SCYL2: variants seen among roughly 807,000 people sequenced by gnomAD.
SCYL2 encodes the protein SCY1-like protein 2.
Under a neutral mutation model 100.4 loss-of-function variants are expected in SCYL2, and 36 were observed. The observed-to-expected ratio is 0.36, with a 90% CI of 0.27 to 0.47. SCYL2 has a LOEUF of 0.47. SCYL2 is among the 20% of genes least tolerant of loss of function. The pLI, the probability that SCYL2 is intolerant of heterozygous loss-of-function variation, is 1.00. For missense variants in SCYL2, 902 were observed against 1,083.9 expected, an observed-to-expected ratio of 0.83 and a Z score of 2.36; for synonymous variants, 330 against 359.2, an observed-to-expected ratio of 0.92 and a Z score of 0.92.
At chr12:100,327,262 A>G (rs1952142311) in intron 12 of SCYL2, 1 of 312,518 alleles carries the variant, frequency 3.2e-6, no homozygotes, top group South Asian at 2.7e-5. Flanking sequence ...GTTTTCTAAT[A>G]TGTTTAAGTC....
intron 2 of SCYL2, among the ~76,000 whole-genome samples, chr12:100,285,631 T>C (rs1219121593): frequency 2.0e-5 from 3 of 152,202 alleles, no homozygotes; most frequent in Non-Finnish European, 4.4e-5. Context: ...AGTGAAATAT[T>C]CCCTGCTCCC....
chr12:100,304,965 A>G lies in SCYL2; in HGVS notation c.481-6079A>G, dbSNP rs564715450. ...ACAAGAAGAGCTAACTATCCTAAAT[A>G]TATATGCATCCAATACAGGAGCACC... On this transcript the variant is annotated intron_variant, in intron 4 of 17. Coordinates refer to ENST00000360820, the MANE Select transcript of SCYL2 (RefSeq NM_017988.6). Among the ~76,000 whole-genome samples the G allele has an allele frequency of 3.9e-5, 6 of 152,338 alleles. No individual in the cohort carries two copies. The East Asian group carries it at 9.6e-4, about 24-fold the overall frequency.
chr12:100,271,409 CTGAATGTAATTCT>C (rs1331454161), intron 1 of SCYL2, among the ~76,000 whole-genome samples: 2 of 151,978 alleles, frequency 1.3e-5, no homozygotes, highest in African/African-American at 4.8e-5. Context: ...TTCATGTCTT[CTGAATGTAATTCT>C]TGAATGTAAT....
chr12:100,268,249 A>T lies in SCYL2; in HGVS notation c.-29+457A>T, dbSNP rs1248248168. ...CTTTCTAAAAACATTGGATACTATG[A>T]GTGAGTTTTCTAAGTAGCCTATCTC... On this transcript the variant is annotated intron_variant, in intron 1 of 17. Coordinates refer to ENST00000360820, the MANE Select transcript of SCYL2 (RefSeq NM_017988.6). Among the ~76,000 whole-genome samples the T allele has an allele frequency of 2.0e-5, 3 of 152,184 alleles. No homozygotes were observed. In the East Asian group the frequency reaches 5.8e-4, roughly 29 times the overall value.
chr12:100,316,510 A>T (rs553267592), intron 9 of SCYL2, among the ~76,000 whole-genome samples: 4 of 152,356 alleles, frequency 2.6e-5, no homozygotes, highest in African/African-American at 9.6e-5. Flanking sequence ...CTTATTAGTT[A>T]TATATCAACT....
At chr12:100,326,544 G>T in intron 11 of SCYL2, 78 bp from the exon 12 acceptor site, 1 of 993,012 alleles carries the variant, frequency 1.0e-6, no homozygotes. Flanking sequence ...TTTATATGAA[G>T]ATTAAGTTTA....
Position 100,341,398 on chromosome 12 carries a change from A to G in SCYL2, c.*2226A>G, listed in dbSNP as rs1952351165. On this transcript the variant is annotated 3_prime_UTR_variant, in exon 18 of 18. Coordinates refer to ENST00000360820, the MANE Select transcript of SCYL2 (RefSeq NM_017988.6). ...GTAGAAAATGTTTAGGTTAAAGAGC[A>G]TCTGTCAACAGAATCTACAAAAAAG... is the stretch of plus-strand genomic sequence containing the variant. 6.6e-6 allele frequency: 1 copy of G among 152,180 alleles called. No individual in the cohort carries two copies. The highest frequency in any genetic ancestry group is 2.1e-4 in the South Asian group (1 of 4,830). 9.4% of individuals were successfully genotyped at this position (152,180 alleles called of 1,614,324 possible). A position where few individuals can be genotyped will look rare whatever the true frequency, so the allele number is the denominator to read the frequency against.
rs369720529 is a variant in SCYL2, at chr12:100,313,547, A to T, written c.969+9A>T. 1 of 1,441,180 alleles carries T rather than the reference A, an allele frequency of 6.9e-7. No homozygotes were observed. Among genetic ancestry groups the T allele is most frequent in the East Asian group, 2.3e-5 (1 of 43,666 alleles). The allele number at this position is 1,441,180 out of a possible 1,614,324, so 89.3% of individuals were successfully genotyped here. ...CAGATCAAATGACAAAGGTGAGTAC[A>T]TGTGGATTTCTGCCTAAGATGGAGG... On this transcript the variant is annotated intron_variant, in intron 7 of 17. Transcript: ENST00000360820.
intron 1 of SCYL2, among the ~76,000 whole-genome samples, chr12:100,269,744 C>T (rs1196379498): frequency 6.6e-6 from 1 of 152,026 alleles, no homozygotes; most frequent in African/African-American, 2.4e-5. Context: ...TGTACTTAAC[C>T]ATGTAACTTA....
chr12:100,326,709 C>T lies in SCYL2; in HGVS notation c.1597C>T (p.Gln533Ter). 3 of 1,611,436 alleles carry T rather than the reference C, an allele frequency of 1.9e-6. No individual in the cohort carries two copies. The highest frequency in any genetic ancestry group is 1.7e-6 in the Non-Finnish European group (2 of 1,179,126). ...ACTTGATGATATCCTACCCTTCTTA[C>T]AACAAATTCCATCCAAGGAACCTGC... ...FVLDDILPFLQQIPSKEPAVL... is the reference protein window; with the variant it reads ...FVLDDILPFL The change falls in exon 12 of 18, where the codon CAA becomes TAA. Residue 533 changes from glutamine to a stop codon, truncating the protein, a stop_gained. Transcript: ENST00000360820. LOFTEE classifies it high-confidence loss of function.
chr12:100,312,753 G>A (rs1037427811), intron 6 of SCYL2, 100 bp downstream of exon 6: 1 of 756,128 alleles, frequency 1.3e-6, no homozygotes, highest in Non-Finnish European at 2.2e-6. Flanking sequence ...AATGACATGA[G>A]TATCTCATTT....
At chr12:100,288,429 T>C in intron 2 of SCYL2, among the ~76,000 whole-genome samples, 1 of 152,174 alleles carries the variant, frequency 6.6e-6, no homozygotes, top group Non-Finnish European at 1.5e-5. Context: ...ATTACAAGCA[T>C]GAGCCACCAT....
chr12:100,296,254 C>T (rs556131269), intron 3 of SCYL2, among the ~76,000 whole-genome samples: 1 of 152,258 alleles, frequency 6.6e-6, no homozygotes, highest in Admixed American at 6.5e-5. Context: ...AAAAAGATAA[C>T]TTCCAGTTTT....
chr12:100,322,196 C>A (rs2096356659), intron 10 of SCYL2, among the ~76,000 whole-genome samples: 1 of 150,734 alleles, frequency 6.6e-6, no homozygotes. Flanking sequence ...CACAGTGAAA[C>A]CCCGTCTCTA....
intron 4 of SCYL2, among the ~76,000 whole-genome samples, chr12:100,300,374 A>G (rs1248170317): frequency 6.6e-6 from 1 of 152,154 alleles, no homozygotes; most frequent in East Asian, 1.9e-4. Context: ...TTTTGTGGGT[A>G]CATAGTAGGT....
At chr12:100,289,971 A>T (rs2096308671) in intron 2 of SCYL2, among the ~76,000 whole-genome samples, 1 of 152,222 alleles carries the variant, frequency 6.6e-6, no homozygotes, top group Non-Finnish European at 1.5e-5. Flanking sequence ...TGTGTCATTG[A>T]TCAGATGTGT....
intron 4 of SCYL2, among the ~76,000 whole-genome samples, chr12:100,308,072 C>T (rs1460538620): frequency 6.6e-6 from 1 of 152,144 alleles, no homozygotes; most frequent in Non-Finnish European, 1.5e-5. Context: ...TTGTTGAAAA[C>T]AGTATGGCGA....
intron 4 of SCYL2, among the ~76,000 whole-genome samples, chr12:100,307,768 A>G (rs1436134063): frequency 2.0e-5 from 3 of 152,220 alleles, no homozygotes; most frequent in Non-Finnish European, 4.4e-5. Context: ...TAATATCCAG[A>G]ATCTACAAGG....
chr12:100,313,641 GTT>G, intron 7 of SCYL2, 103 bp downstream of exon 7: 1 of 629,674 alleles, frequency 1.6e-6, no homozygotes, highest in East Asian at 2.7e-5. Context: ...AGGGATCCCT[GTT>G]CTGAGATTAA....
Sources: gnomAD v4.1 joint callset for allele counts (sites outside exome capture counted in the v4.1 genomes callset) on GRCh38, gnomAD v4.1.1 for gene constraint, MANE v1.5 for transcripts, NCBI Gene and HGNC (gene_info 2026-07-23, HGNC 2026-07-21) for gene names.